The following GALNTL6 variants were observed in gnomAD, a reference collection of about 807,000 sequenced individuals.
GALNTL6 encodes the protein polypeptide N-acetylgalactosaminyltransferase like 6, also known as polypeptide N-acetylgalactosaminyltransferase-like 6.
In GALNTL6, 46 loss-of-function variants were observed where a neutral mutation model predicts 73.7. The observed-to-expected ratio is 0.62, with a 90% CI of 0.49 to 0.80. GALNTL6 has a LOEUF of 0.80. GALNTL6 is among the 30% of genes least tolerant of loss of function. GALNTL6 has a pLI of 0.00. For missense variants in GALNTL6, 604 were observed against 755.0 expected (o/e 0.80, Z 2.34); for synonymous variants, 259 against 263.7 (o/e 0.98, Z 0.17).
At chr4:172,449,159 G>A (rs1732126379) in intron 5 of GALNTL6, among the ~76,000 whole-genome samples, 1 of 151,998 alleles carries the variant, frequency 6.6e-6, no homozygotes, top group Admixed American at 6.6e-5. Flanking sequence ...TCCCTCCATT[G>A]GTCTTCAGAT....
At chr4:172,219,584 G>A (rs1233693948) in intron 2 of GALNTL6, among the ~76,000 whole-genome samples, 2 of 151,782 alleles carry the variant, frequency 1.3e-5, no homozygotes, top group East Asian at 1.9e-4. Context: ...ATGATCTATT[G>A]TCTCTCATGT....
chr4:172,269,303 A>T (rs908889001), intron 3 of GALNTL6, among the ~76,000 whole-genome samples: 1 of 152,198 alleles, frequency 6.6e-6, no homozygotes, highest in African/African-American at 2.4e-5. Context: ...GTTAGGTAAA[A>T]ATCAAGATAT....
intron 2 of GALNTL6, among the ~76,000 whole-genome samples, chr4:171,944,821 A>G (rs1738656054): frequency 6.6e-6 from 1 of 152,018 alleles, no homozygotes; most frequent in Admixed American, 6.6e-5. Flanking sequence ...CTTAAAAAAA[A>G]AATCTCACCT....
At chr4:172,920,636 T>C (rs1320855707) in intron 8 of GALNTL6, among the ~76,000 whole-genome samples, 1 of 152,212 alleles carries the variant, frequency 6.6e-6, no homozygotes, top group Non-Finnish European at 1.5e-5. Context: ...ATTTCTTTAA[T>C]TTATAATAAA....
chr4:171,901,886 ATAAT>A (rs1737110827), intron 2 of GALNTL6, among the ~76,000 whole-genome samples: 1 of 152,140 alleles, frequency 6.6e-6, no homozygotes, highest in African/African-American at 2.4e-5. Context: ...AGTTAATTTT[ATAAT>A]TAATTAATTA....
At chr4:172,048,590 T>C (rs1181625559) in intron 2 of GALNTL6, among the ~76,000 whole-genome samples, 3 of 152,164 alleles carry the variant, frequency 2.0e-5, no homozygotes, top group South Asian at 4.1e-4. Context: ...GGATGAAAAG[T>C]ATTATGTAGA....
At chr4:173,036,178 T>C (rs1753687927) in intron 12 of GALNTL6, among the ~76,000 whole-genome samples, 1 of 152,172 alleles carries the variant, frequency 6.6e-6, no homozygotes. Context: ...CCCATGACTG[T>C]TGTCTCTCCG....
intron 8 of GALNTL6, among the ~76,000 whole-genome samples, chr4:172,923,585 A>C (rs768460696): frequency 3.3e-4 from 50 of 152,326 alleles, no homozygotes; most frequent in Non-Finnish European, 4.0e-4. Context: ...GCTAATGAGC[A>C]ATGCAGCCAC....
chr4:173,039,744 A>C (rs556102771), intron 12 of GALNTL6, among the ~76,000 whole-genome samples, 189 bp from the exon 13 acceptor site: 2 of 152,344 alleles, frequency 1.3e-5, no homozygotes, highest in East Asian at 3.9e-4. Flanking sequence ...ACATAGTGCC[A>C]ATACAGCCTA....
At chr4:171,941,715 TTCTTCAC>T (rs1560851210) in intron 2 of GALNTL6, among the ~76,000 whole-genome samples, 1 of 152,222 alleles carries the variant, frequency 6.6e-6, no homozygotes, top group East Asian at 1.9e-4. Context: ...ACTTTTATGG[TTCTTCAC>T]TCTCTTGAAA....
intron 2 of GALNTL6, among the ~76,000 whole-genome samples, chr4:171,945,652 G>T (rs185251330): frequency 3.3e-5 from 5 of 152,082 alleles, no homozygotes; most frequent in Admixed American, 3.3e-4. Context: ...TAAAATAATA[G>T]CATGACATAC....
intron 2 of GALNTL6, among the ~76,000 whole-genome samples, chr4:171,882,830 A>G (rs192455166): frequency 3.7e-4 from 57 of 152,302 alleles, no homozygotes; most frequent in African/African-American, 1.3e-3. Context: ...TCAAGTTGAC[A>G]CTCAATACTA....
chr4:172,604,864 T>G (rs1229366165), intron 5 of GALNTL6, among the ~76,000 whole-genome samples: 1 of 152,214 alleles, frequency 6.6e-6, no homozygotes, highest in African/African-American at 2.4e-5. Context: ...ACTTCATACA[T>G]CAGTCTTCAC....
intron 8 of GALNTL6, among the ~76,000 whole-genome samples, chr4:172,886,859 G>A (rs920818218): frequency 7.9e-5 from 12 of 152,058 alleles, no homozygotes; most frequent in African/African-American, 2.9e-4. Context: ...GATTCAGGGG[G>A]TACACGTGCA....
chr4:172,690,155 C>T (rs1274990156), intron 5 of GALNTL6, among the ~76,000 whole-genome samples: 1 of 152,118 alleles, frequency 6.6e-6, no homozygotes, highest in African/African-American at 2.4e-5. Flanking sequence ...CAAAAACACT[C>T]AATTCCATGG....
intron 2 of GALNTL6, among the ~76,000 whole-genome samples, chr4:172,035,119 AGAACAAGTATGC>A (rs1741894639): frequency 1.3e-5 from 2 of 152,120 alleles, no homozygotes; most frequent in African/African-American, 2.4e-5. Flanking sequence ...GTCCTTTTTT[AGAACAAGTATGC>A]TTATTACCTG....
Position 171,916,940 on chromosome 4 carries a change from G to A in GALNTL6, c.138+102222G>A, listed in dbSNP as rs370372620. Among the ~76,000 whole-genome samples, 6 of 151,986 alleles carry A rather than the reference G, an allele frequency of 3.9e-5. No individual in the cohort carries two copies. The South Asian group carries it at 6.2e-4, about 16-fold the overall frequency. On this transcript the variant is annotated intron_variant, in intron 2 of 12. Coordinates refer to ENST00000506823, the MANE Select transcript of GALNTL6 (RefSeq NM_001034845.3). Reference sequence around the variant, plus strand: ...AAAATCACCTTTCTGCACCACCCACGCAGGGAGAGTTTAGGGATGTCAGTA... The same window carrying A: ...AAAATCACCTTTCTGCACCACCCACACAGGGAGAGTTTAGGGATGTCAGTA...
chr4:172,232,446 T>A (rs1262792543), intron 3 of GALNTL6, among the ~76,000 whole-genome samples: 1 of 152,172 alleles, frequency 6.6e-6, no homozygotes, highest in Non-Finnish European at 1.5e-5. Context: ...TGTAACATTG[T>A]CCTCTTGGTG....
At chr4:172,585,468 C>T (rs1737373240) in intron 5 of GALNTL6, among the ~76,000 whole-genome samples, 1 of 152,156 alleles carries the variant, frequency 6.6e-6, no homozygotes, top group South Asian at 2.1e-4. Context: ...CATGTGTTCT[C>T]ATTGTTCAAC....
Sources: gnomAD v4.1 joint callset for allele counts (sites outside exome capture counted in the v4.1 genomes callset) on GRCh38, gnomAD v4.1.1 for gene constraint, MANE v1.5 for transcripts, NCBI Gene and HGNC (gene_info 2026-07-23, HGNC 2026-07-21) for gene names.